EDN1: variants seen among roughly 807,000 people sequenced by gnomAD.
The protein encoded by EDN1 is endothelin 1.
A neutral mutation model predicts 21.7 loss-of-function variants in EDN1; 11 were observed. The ratio of observed to expected loss-of-function variants is 0.51; its 90% CI spans 0.32 to 0.84. The LOEUF is 0.84. EDN1 is among the 40% of genes least tolerant of loss of function. The pLI is 0.03. For synonymous variants in EDN1, 85 were observed against 90.6 expected (o/e 0.94, Z 0.35); for missense variants, 244 against 262.3 (o/e 0.93, Z 0.48).
chr6:12,256,883 T>C, the EDN1 span, among the ~76,000 whole-genome samples: 1 of 152,226 alleles, frequency 6.6e-6, no homozygotes, highest in African/African-American at 2.4e-5. Context: ...CTGTGACTAT[T>C]TCAGGAGTAA....
the EDN1 span, among the ~76,000 whole-genome samples, chr6:12,278,072 G>A: frequency 6.6e-6 from 1 of 152,232 alleles, no homozygotes; most frequent in East Asian, 1.9e-4. Flanking sequence ...CTAAGAAATC[G>A]TTTACTGGAA....
At chr6:12,249,292 C>T in the EDN1 span, among the ~76,000 whole-genome samples, 1 of 152,156 alleles carries the variant, frequency 6.6e-6, no homozygotes, top group Non-Finnish European at 1.5e-5. Context: ...TCAACTGTTG[C>T]TTTGTTTTGC....
chr6:12,290,810 A>G lies in EDN1; in HGVS notation c.64+117A>G. ...TTCTTTTTATGACTGCAGCTTAGAG[A>G]GCAAGTGTCTGAGAATTATTGCTGA... is the stretch of plus-strand genomic sequence containing the variant. On this transcript the variant is annotated intron_variant, in intron 1 of 4. Transcript: ENST00000379375. The G allele has an allele frequency of 3.4e-6, 3 of 889,978 alleles. No homozygotes were observed. The South Asian group carries it at 4.1e-5, about 12-fold the overall frequency. The allele number at this position is 889,978 out of a possible 1,614,324, so 55.1% of individuals were successfully genotyped here.
chr6:12,295,958 T>C lies in EDN1; in HGVS notation c.534-4T>C. The C allele has an allele frequency of 6.2e-7, 1 of 1,613,680 alleles. No homozygotes were observed. The stretch of plus-strand genomic sequence containing the variant: ...ATTTGTTTTCTCTTATCTTGCTTTA[T>C]TAGGTCGGAGACCATGAGAAACAGC... On this transcript the variant is annotated splice_polypyrimidine_tract_variant and splice_region_variant and intron_variant, in intron 4 of 4. Coordinates refer to ENST00000379375, the MANE Select transcript of EDN1 (RefSeq NM_001955.5).
chr6:12,285,718 G>T (rs1229302010), upstream of EDN1, among the ~76,000 whole-genome samples: 1 of 152,090 alleles, frequency 6.6e-6, no homozygotes, highest in Non-Finnish European at 1.5e-5. Context: ...TTACAGGCAT[G>T]CGCCACCATG....
chr6:12,290,784 G>A, intron 1 of EDN1, 91 bp downstream of exon 1: 1 of 1,210,714 alleles, frequency 8.3e-7, no homozygotes, highest in Non-Finnish European at 1.2e-6. Context: ...ATTTTTCCCC[G>A]TTCTTTTTAT....
At chr6:12,258,448 T>TAAAAAAAAAAAAAAAAAAAAAAAAA in the EDN1 span, among the ~76,000 whole-genome samples, 1 of 27,734 alleles carries the variant, frequency 3.6e-5, no homozygotes, top group African/African-American at 6.8e-5. Context: ...AGATCATGTC[T>TAAAAAAAAAAAAAAAAAAAAAAAAA]CAAAAAAAAA....
chr6:12,284,531 A>C, the EDN1 span, among the ~76,000 whole-genome samples: 5 of 151,132 alleles, frequency 3.3e-5, no homozygotes, highest in Non-Finnish European at 7.4e-5. Flanking sequence ...GAAGGAAAGA[A>C]GGAAGGAAGG....
chr6:12,247,231 C>G, the EDN1 span, among the ~76,000 whole-genome samples: 1 of 152,112 alleles, frequency 6.6e-6, no homozygotes, highest in Non-Finnish European at 1.5e-5. Flanking sequence ...GATTCCAATT[C>G]CTGTGTGGAT....
chr6:12,287,845 C>G (rs1256996219), upstream of EDN1, among the ~76,000 whole-genome samples: 3 of 151,934 alleles, frequency 2.0e-5, no homozygotes, highest in African/African-American at 7.3e-5. Context: ...TGGGGCCCTT[C>G]CAGGTCTGAA....
chr6:12,256,159 A>G, the EDN1 span, among the ~76,000 whole-genome samples: 8 of 152,294 alleles, frequency 5.3e-5, no homozygotes, highest in East Asian at 1.9e-4. Flanking sequence ...CAGCTTAGGC[A>G]ACAAAGCGAG....
chr6:12,252,989 C>G, the EDN1 span, among the ~76,000 whole-genome samples: 3,423 of 152,216 alleles, frequency 0.022, 137 homozygotes, highest in African/African-American at 0.078. Context: ...CTTTAAAACT[C>G]TACATGCCAA....
the EDN1 span, among the ~76,000 whole-genome samples, chr6:12,262,044 T>G: frequency 6.6e-6 from 1 of 152,280 alleles, no homozygotes; most frequent in South Asian, 2.1e-4. Context: ...AACTTCGGAA[T>G]GAACTAGGGA....
the EDN1 span, among the ~76,000 whole-genome samples, chr6:12,261,647 A>G: frequency 1.3e-5 from 2 of 152,188 alleles, no homozygotes; most frequent in African/African-American, 4.8e-5. Context: ...GGTGCTGAGG[A>G]AAGGCTGTGT....
At chr6:12,238,866 C>T in the EDN1 span, among the ~76,000 whole-genome samples, 1 of 152,204 alleles carries the variant, frequency 6.6e-6, no homozygotes. Context: ...ACATGAGAAC[C>T]ATACGGTAGA....
At chr6:12,260,129 A>G in the EDN1 span, among the ~76,000 whole-genome samples, 1 of 152,122 alleles carries the variant, frequency 6.6e-6, no homozygotes, top group Non-Finnish European at 1.5e-5. Flanking sequence ...AAATATATAA[A>G]AAACTCTTAA....
the EDN1 span, among the ~76,000 whole-genome samples, chr6:12,241,170 T>C: frequency 3.4e-5 from 5 of 148,266 alleles, no homozygotes; most frequent in Admixed American, 6.7e-5. Context: ...TTCTTTCTTT[T>C]TTTTTTTTTT....
At chr6:12,285,304 G>A in the EDN1 span, among the ~76,000 whole-genome samples, 897 of 152,224 alleles carry the variant, frequency 5.9e-3, 8 homozygotes, top group Non-Finnish European at 9.3e-3. Context: ...GGAGGTATCC[G>A]TTAAAAACTT....
the EDN1 span, among the ~76,000 whole-genome samples, chr6:12,281,949 A>G: frequency 6.6e-6 from 1 of 152,238 alleles, no homozygotes; most frequent in East Asian, 1.9e-4. Flanking sequence ...AGTATAGATT[A>G]GATTAAAAAA....
Sources: allele counts gnomAD v4.1 joint callset (sites outside exome capture counted in the v4.1 genomes callset), GRCh38; gene constraint gnomAD v4.1.1; transcripts MANE v1.5; gene names NCBI Gene and HGNC (gene_info 2026-07-23, HGNC 2026-07-21).